Variants in GRIK4 observed in about 807,000 individuals in gnomAD.
GRIK4 encodes glutamate ionotropic receptor kainate type subunit 4, also known as glutamate receptor ionotropic, kainate 4.
GRIK4 carries 40 observed loss-of-function variants against 104.9 expected under a neutral mutation model. The observed-to-expected ratio is 0.38, with a 90% CI of 0.30 to 0.50. GRIK4 has a LOEUF of 0.50. GRIK4 is among the 20% of genes least tolerant of loss of function. The pLI is 0.93. For missense variants in GRIK4, 1,047 were observed against 1,308.1 expected, an observed-to-expected ratio of 0.80 and a Z score of 3.08; for synonymous variants, 485 against 524.9, an observed-to-expected ratio of 0.92 and a Z score of 1.04.
At chr11:120,618,241 G>A (rs772331616) in intron 1 of GRIK4, among the ~76,000 whole-genome samples, 2 of 152,200 alleles carry the variant, frequency 1.3e-5, no homozygotes, top group Non-Finnish European at 2.9e-5. Context: ...CTTTGATCTT[G>A]AGAGTGATGA....
At chr11:120,866,170 C>T (rs1173821123) in intron 9 of GRIK4, among the ~76,000 whole-genome samples, 1 of 152,158 alleles carries the variant, frequency 6.6e-6, no homozygotes, top group Non-Finnish European at 1.5e-5. Context: ...GGATTGGCTC[C>T]ATCACATAGT....
At chr11:120,942,989 C>A (rs1220423327) in intron 14 of GRIK4, among the ~76,000 whole-genome samples, 1 of 152,072 alleles carries the variant, frequency 6.6e-6, no homozygotes, top group Non-Finnish European at 1.5e-5. Context: ...ACATAGAAAT[C>A]CTGCCTGAGT....
At chr11:120,695,137 T>C (rs1436775906) in intron 3 of GRIK4, among the ~76,000 whole-genome samples, 1 of 152,222 alleles carries the variant, frequency 6.6e-6, no homozygotes, top group Non-Finnish European at 1.5e-5. Flanking sequence ...CTCCTCCTGC[T>C]GGAGGTCAGG....
intron 1 of GRIK4, among the ~76,000 whole-genome samples, chr11:120,548,193 A>C (rs1948105499): frequency 1.3e-5 from 2 of 152,024 alleles, no homozygotes; most frequent in Admixed American, 1.3e-4. Context: ...GGGGCTCTCG[A>C]AGTATGAAAA....
chr11:120,818,470 C>G (rs1001049309), intron 5 of GRIK4, among the ~76,000 whole-genome samples: 1 of 152,240 alleles, frequency 6.6e-6, no homozygotes, highest in Non-Finnish European at 1.5e-5. Context: ...TCACCAGACT[C>G]TCCCCCATTC....
At chr11:120,719,566 A>G (rs1950894574) in intron 3 of GRIK4, among the ~76,000 whole-genome samples, 1 of 152,172 alleles carries the variant, frequency 6.6e-6, no homozygotes, top group African/African-American at 2.4e-5. Flanking sequence ...ACAGCCTGTG[A>G]GTCAGTCTCC....
chr11:120,879,385 T>C (rs1328502517), intron 11 of GRIK4, among the ~76,000 whole-genome samples: 1 of 152,230 alleles, frequency 6.6e-6, no homozygotes, highest in African/African-American at 2.4e-5. Context: ...TCTTCCTGTC[T>C]GGATGAGTGA....
intron 1 of GRIK4, among the ~76,000 whole-genome samples, chr11:120,603,235 C>T (rs1166683618): frequency 1.3e-5 from 2 of 152,214 alleles, no homozygotes; most frequent in Non-Finnish European, 2.9e-5. Context: ...TTCCCATGGG[C>T]CACAGGCCCA....
intron 1 of GRIK4, among the ~76,000 whole-genome samples, chr11:120,525,625 G>A (rs1227440040): frequency 2.6e-5 from 4 of 152,230 alleles, no homozygotes; most frequent in African/African-American, 9.6e-5. Context: ...AAGGTTAGCC[G>A]CGTGCTACGT....
chr11:120,909,158 T>G (rs898237555), intron 13 of GRIK4, among the ~76,000 whole-genome samples: 5 of 152,244 alleles, frequency 3.3e-5, no homozygotes, highest in African/African-American at 1.2e-4. Context: ...CTCTCTCCAG[T>G]GAAGACTGGA....
chr11:120,607,232 T>G (rs1225114145), intron 1 of GRIK4, among the ~76,000 whole-genome samples: 1 of 152,180 alleles, frequency 6.6e-6, no homozygotes, highest in Non-Finnish European at 1.5e-5. Flanking sequence ...TGGTGGGCCC[T>G]TAGGCTGGGT....
chr11:120,667,563 C>G (rs1186753566), intron 3 of GRIK4, among the ~76,000 whole-genome samples: 1 of 152,252 alleles, frequency 6.6e-6, no homozygotes, highest in Non-Finnish European at 1.5e-5. Context: ...TCTGGATAAA[C>G]AGGCACACGT....
intron 9 of GRIK4, among the ~76,000 whole-genome samples, chr11:120,865,339 C>T (rs965044280): frequency 6.6e-5 from 10 of 152,246 alleles, no homozygotes; most frequent in African/African-American, 2.2e-4. Context: ...TCTCATGATA[C>T]ACAATAAATA....
rs114540348 is a variant in GRIK4 at position 120,774,608 on chromosome 11, C to T, written c.83-28085C>T. Among the ~76,000 whole-genome samples the T allele has an allele frequency of 8.6e-3, 1,315 of 152,318 alleles. 12 individuals carry two copies. The highest frequency in any genetic ancestry group is 0.03 in the African/African-American group (1,237 of 41,570). On this transcript the variant is annotated intron_variant, in intron 3 of 20. Transcript: ENST00000527524. ...AGCCATCTGCTTCACCCAAAGTCTA[C>T]TGATTTAAATGTTAATCATATAAAA...
intron 1 of GRIK4, among the ~76,000 whole-genome samples, chr11:120,561,378 T>A (rs1948237028): frequency 6.6e-6 from 1 of 152,214 alleles, no homozygotes; most frequent in Non-Finnish European, 1.5e-5. Context: ...CTCTCCCTTC[T>A]CTCCTTCATG....
intron 7 of GRIK4, among the ~76,000 whole-genome samples, chr11:120,836,472 C>T (rs1565382867): frequency 6.6e-6 from 1 of 152,156 alleles, no homozygotes; most frequent in African/African-American, 2.4e-5. Flanking sequence ...CTTCATTTCC[C>T]TAAAAGTCAT....
chr11:120,588,941 T>C (rs1804120792), intron 1 of GRIK4, among the ~76,000 whole-genome samples: 1 of 152,338 alleles, frequency 6.6e-6, no homozygotes, highest in African/African-American at 2.4e-5. Flanking sequence ...CTGGAAAGTC[T>C]AGAAGAGCCT....
In GRIK4 at chr11:120,524,283, T is replaced by A. The variant is rs1947833782; in HGVS notation, c.-159+12396T>A. 6.6e-6 allele frequency among the ~76,000 whole-genome samples: 1 copy of A among 152,108 alleles called. No individual in the cohort carries two copies. The highest frequency in any genetic ancestry group is 2.1e-4 in the South Asian group (1 of 4,818). On this transcript the variant is annotated intron_variant, in intron 1 of 20. Coordinates refer to ENST00000527524, the MANE Select transcript of GRIK4 (RefSeq NM_014619.5). The surrounding 1 kb of genome is among the most constrained non-coding windows in gnomAD (Gnocchi z 4.5). ...CACTGGGTGCTCAGTATGCGTTTAG[T>A]GGGTGAACGGCTGCTTTGGTGAGCC...
At chr11:120,659,764 C>A (rs1265904000) in intron 2 of GRIK4, among the ~76,000 whole-genome samples, 1 of 152,240 alleles carries the variant, frequency 6.6e-6, no homozygotes, top group Non-Finnish European at 1.5e-5. Context: ...AAGGCTCGCT[C>A]TGTCGTCCAG....
Sources: gnomAD v4.1 joint callset for allele counts (sites outside exome capture counted in the v4.1 genomes callset) on GRCh38, gnomAD v4.1.1 for gene constraint, Gnocchi (gnomAD v3.1) non-coding constraint, MANE v1.5 for transcripts, NCBI Gene and HGNC (gene_info 2026-07-23, HGNC 2026-07-21) for gene names.